FYB1: variants seen among roughly 807,000 people sequenced by gnomAD.
FYB1 encodes the protein FYN-binding protein 1.
FYB1 carries 41 observed loss-of-function variants against 94.1 expected under a neutral mutation model. The observed-to-expected ratio is 0.44, with a 90% CI of 0.34 to 0.57. The LOEUF (loss-of-function observed/expected upper bound fraction) is 0.57. Among genes scored for constraint, FYB1 ranks in the 20% least tolerant of loss-of-function variants. FYB1 has a pLI of 0.02. For synonymous variants in FYB1, 367 were observed against 353.2 expected (o/e 1.04, Z -0.44); for missense variants, 1,050 against 976.8 (o/e 1.07, Z -1.00).
intron 1 of FYB1, among the ~76,000 whole-genome samples, chr5:39,203,511 A>G (rs1458372791): frequency 3.3e-5 from 5 of 151,954 alleles, no homozygotes; most frequent in African/African-American, 4.8e-5. Flanking sequence ...TTTTGCTTCT[A>G]TCCACATTGA....
intron 11 of FYB1, among the ~76,000 whole-genome samples, chr5:39,126,821 G>A (rs973812645): frequency 5.3e-5 from 8 of 151,648 alleles, no homozygotes; most frequent in African/African-American, 1.9e-4. Flanking sequence ...CACTTTGGGA[G>A]GCTAGGGCAG....
At chr5:39,186,347 C>T (rs1746793379) in intron 2 of FYB1, among the ~76,000 whole-genome samples, 2 of 152,108 alleles carry the variant, frequency 1.3e-5, no homozygotes, top group African/African-American at 4.8e-5. Context: ...TCACTTGAAC[C>T]TGGGAAGCAG....
intron 2 of FYB1, among the ~76,000 whole-genome samples, chr5:39,164,109 C>A (rs901304575): frequency 4.6e-5 from 7 of 152,240 alleles, no homozygotes; most frequent in African/African-American, 1.7e-4. Context: ...AATAGCACAT[C>A]CTCAGGGAGA....
chr5:39,232,718 TC>T (rs1325974479), intron 1 of FYB1, among the ~76,000 whole-genome samples: 1 of 53,838 alleles, frequency 1.9e-5, no homozygotes, highest in Non-Finnish European at 3.8e-5. Context: ...CCCTCCCCCC[TC>T]CCCCCAACCC....
intron 2 of FYB1, among the ~76,000 whole-genome samples, chr5:39,181,669 T>C (rs997476290): frequency 3.9e-5 from 6 of 152,188 alleles, no homozygotes; most frequent in African/African-American, 1.4e-4. Context: ...TCCTGGTCAC[T>C]CTCTCAAAAC....
intron 1 of FYB1, among the ~76,000 whole-genome samples, chr5:39,205,302 A>G (rs1405857192): frequency 6.6e-6 from 1 of 152,198 alleles, no homozygotes; most frequent in Non-Finnish European, 1.5e-5. Context: ...TCGCTATGTA[A>G]CCTTGGACAA....
At chr5:39,115,295 A>C (rs779886456) in intron 16 of FYB1, among the ~76,000 whole-genome samples, 5 of 151,998 alleles carry the variant, frequency 3.3e-5, no homozygotes, top group Non-Finnish European at 7.4e-5. Flanking sequence ...GTGTTTTGTC[A>C]TGTTGGCCAG....
At chr5:39,257,096 T>G (rs896233635) in intron 1 of FYB1, among the ~76,000 whole-genome samples, 3 of 152,236 alleles carry the variant, frequency 2.0e-5, no homozygotes, top group Non-Finnish European at 4.4e-5. Context: ...TCTTTTCACT[T>G]CTGCCAGAAC....
chr5:39,216,361 C>T (rs1749870008), intron 1 of FYB1, among the ~76,000 whole-genome samples: 1 of 152,098 alleles, frequency 6.6e-6, no homozygotes, highest in South Asian at 2.1e-4. Flanking sequence ...TAAAATTCTA[C>T]CCGCAGCTCC....
chr5:39,241,207 G>A (rs1751190337), intron 1 of FYB1, among the ~76,000 whole-genome samples: 1 of 152,022 alleles, frequency 6.6e-6, no homozygotes. Flanking sequence ...ATGCCTATTG[G>A]GTACTATGCT....
At chr5:39,114,978 G>T (rs1324572762) in intron 16 of FYB1, among the ~76,000 whole-genome samples, 2 of 152,124 alleles carry the variant, frequency 1.3e-5, no homozygotes, top group East Asian at 1.9e-4. Context: ...AATTGTGATG[G>T]TGTGGCTAGG....
intron 1 of FYB1, among the ~76,000 whole-genome samples, chr5:39,258,939 A>ACT (rs1249252719): frequency 3.3e-5 from 5 of 152,068 alleles, no homozygotes; most frequent in African/African-American, 1.2e-4. Flanking sequence ...GTGTAGGGTC[A>ACT]CTCTGTGAAA....
At position 39,226,282 on chromosome 5, in the gene FYB1, G is replaced by A. The variant is rs75190361; in HGVS notation, c.-27-23295C>T. Among the ~76,000 whole-genome samples the A allele has an allele frequency of 6.5e-3, 990 of 152,194 alleles. 14 individuals are homozygous for A. The highest frequency in any genetic ancestry group is 0.023 in the African/African-American group (939 of 41,516). On this transcript the variant is annotated intron_variant, in intron 1 of 1. Coordinates refer to the FYB1 transcript ENST00000510188. ...CATTTCCTGCCTCTTTAACTGCAGT[G>A]GCTTCCGATAGAATTGTTCTGCCTC...
chr5:39,256,482 T>C (rs1751947052), intron 1 of FYB1, among the ~76,000 whole-genome samples: 1 of 152,204 alleles, frequency 6.6e-6, no homozygotes, highest in Non-Finnish European at 1.5e-5. Flanking sequence ...ATCCTGGCTG[T>C]TTTATGGGAA....
intron 1 of FYB1, among the ~76,000 whole-genome samples, chr5:39,210,038 G>A (rs1192458297): frequency 6.6e-6 from 1 of 152,238 alleles, no homozygotes; most frequent in Non-Finnish European, 1.5e-5. Flanking sequence ...GACTCTCGCC[G>A]CAAATTAAGT....
chr5:39,133,796 C>A (rs1251231644), intron 9 of FYB1, among the ~76,000 whole-genome samples: 1 of 151,600 alleles, frequency 6.6e-6, no homozygotes, highest in African/African-American at 2.4e-5. Context: ...CATTTTTTGT[C>A]GTATTTTCAA....
chr5:39,190,195 T>A (rs963299929), intron 2 of FYB1, among the ~76,000 whole-genome samples: 3 of 152,208 alleles, frequency 2.0e-5, no homozygotes, highest in Non-Finnish European at 4.4e-5. Context: ...GATTGCTCCA[T>A]AAAGCCCAGT....
chr5:39,170,101 G>A (rs1014193784), intron 2 of FYB1: 22 of 848,628 alleles, frequency 2.6e-5, no homozygotes, highest in Non-Finnish European at 4.3e-5. Flanking sequence ...TAAGATGGTG[G>A]CTTTTTGATT....
Position 39,123,499 on chromosome 5 carries a change from A to C in FYB1, c.2071+754T>G, listed in dbSNP as rs1289293420. Among the ~76,000 whole-genome samples the C allele has an allele frequency of 2.6e-5, 4 of 152,140 alleles. No individual in the cohort carries two copies. In the East Asian group the frequency reaches 7.7e-4, roughly 29 times the overall value. On this transcript the variant is annotated intron_variant, in intron 13 of 18. Transcript: ENST00000512982. ...AGTTAATTTTTTTGAATACTTTAAA[A>C]ATATTATAGATTAGAACACAAGCTT...
Sources: gnomAD v4.1 joint callset for allele counts (sites outside exome capture counted in the v4.1 genomes callset) on GRCh38, gnomAD v4.1.1 for gene constraint, MANE v1.5 for transcripts, NCBI Gene and HGNC (gene_info 2026-07-23, HGNC 2026-07-21) for gene names.